RFX1: variants seen among roughly 807,000 people sequenced by gnomAD.
RFX1 encodes the protein regulatory factor X1, also known as MHC class II regulatory factor RFX1.
A neutral mutation model predicts 119.6 loss-of-function variants in RFX1; 42 were observed. The observed-to-expected ratio is 0.35, with a 90% confidence interval of 0.27 to 0.45. The LOEUF (loss-of-function observed/expected upper bound fraction) is 0.45. Ranked by LOEUF, RFX1 falls within the 20% of genes least tolerant of loss-of-function variation. The pLI is 1.00. For synonymous variants in RFX1, 628 were observed against 618.5 expected, an observed-to-expected ratio of 1.02 and a Z score of -0.23; for missense variants, 1,118 against 1,368.1, an observed-to-expected ratio of 0.82 and a Z score of 2.88.
chr19:13,989,603 G>A (rs1974735891), intron 2 of RFX1, among the ~76,000 whole-genome samples: 1 of 152,146 alleles, frequency 6.6e-6, no homozygotes, highest in South Asian at 2.1e-4. Flanking sequence ...GTGTGTGTCT[G>A]TGTGTGTAGC....
intron 1 of RFX1, among the ~76,000 whole-genome samples, chr19:13,995,434 T>C (rs559545346): frequency 1.3e-5 from 2 of 152,226 alleles, no homozygotes; most frequent in East Asian, 3.9e-4. Context: ...GGAGCAGTTA[T>C]GGGTCTTGAC....
At chr19:13,963,427 G>A (rs1973783217) in intron 18 of RFX1, 111 bp downstream of exon 18, 6 of 1,422,998 alleles carry the variant, frequency 4.2e-6, no homozygotes, top group South Asian at 1.3e-5. Context: ...CAGGGCCCCA[G>A]CCTGCCCGCC....
chr19:14,004,236 G>A (rs1346917557), intron 1 of RFX1, among the ~76,000 whole-genome samples: 4 of 152,116 alleles, frequency 2.6e-5, no homozygotes, highest in Non-Finnish European at 2.9e-5. Context: ...CTAGCCGGGC[G>A]CGGTGGCTCA....
chr19:14,001,066 A>G (rs1975201108), intron 1 of RFX1, among the ~76,000 whole-genome samples: 1 of 152,044 alleles, frequency 6.6e-6, no homozygotes, highest in Admixed American at 6.6e-5. Flanking sequence ...CAAAAAAAAC[A>G]AAAAACAAAA....
chr19:13,989,814 G>A (rs982403526), intron 2 of RFX1, among the ~76,000 whole-genome samples: 4 of 152,078 alleles, frequency 2.6e-5, no homozygotes, highest in Non-Finnish European at 5.9e-5. Context: ...GGGTCAGACT[G>A]TGAGGGCGGA....
rs1419067331 is a variant in RFX1 at position 13,968,429 on chromosome 19, C to T, written c.1732+136G>A. 6 of 695,566 alleles carry T rather than the reference C, an allele frequency of 8.6e-6. No homozygotes were observed. Among genetic ancestry groups the T allele is most frequent in the Non-Finnish European group, 1.3e-5 (5 of 385,530 alleles). The allele number at this position is 695,566 out of a possible 1,614,324, so 43.1% of individuals were successfully genotyped here. A position where few individuals can be genotyped will look rare whatever the true frequency, so the allele number is the denominator to read the frequency against. On this transcript the variant is annotated intron_variant, in intron 12 of 20. Transcript: ENST00000254325. The surrounding 1 kb of genome is among the most constrained non-coding windows in gnomAD (Gnocchi z 5.5). ...GACGGAGACTGTGATGTCTCCCCCA[C>T]CCCCTGCTGGTTCTCGGGCATCTCT...
At position 13,962,643 on chromosome 19, in the gene RFX1, G is replaced by A. The variant is rs1037049674; in HGVS notation, c.*52C>T. On this transcript the variant is annotated 3_prime_UTR_variant, in exon 21 of 21. Transcript: ENST00000254325. ...CCACGAAGCCACAGAAGCTTTGAGG[G>A]ACCCTGGCGTGGAGGGGTGGCGGGG... is the stretch of plus-strand genomic sequence containing the variant. The A allele has an allele frequency of 1.2e-5, 16 of 1,320,864 alleles. No homozygotes were observed. In the East Asian group the frequency reaches 4.8e-4, roughly 40 times the overall value. The allele number at this position is 1,320,864 out of a possible 1,614,324, so 81.8% of individuals were successfully genotyped here.
rs759562858 is a variant in RFX1, at chr19:13,993,543, T to G, written c.301A>C (p.Ile101Leu). The G allele has an allele frequency of 1.2e-6, 2 of 1,612,768 alleles. No homozygotes were observed. Among genetic ancestry groups the G allele is most frequent in the Non-Finnish European group, 1.7e-6 (2 of 1,179,488 alleles). The stretch of plus-strand genomic sequence containing the variant: ...CACTTACCAGAGACAGTGACCACGA[T>G]GTACTGCTGGGGTGCAGGCGAAGGG... ...PTPSPAPQQYIVVTVSEGAMR... is the reference protein window; with the variant it reads ...PTPSPAPQQYLVVTVSEGAMR... The change falls in exon 2 of 21, where the codon ATC (isoleucine) becomes CTC (leucine). Residue 101 changes from isoleucine to leucine, a missense_variant. Physicochemically the swap from Ile to Leu is conservative, Grantham distance 5. Transcript: ENST00000254325.
intron 2 of RFX1, among the ~76,000 whole-genome samples, chr19:13,987,460 C>A (rs1974640676): frequency 6.6e-6 from 1 of 152,174 alleles, no homozygotes; most frequent in African/African-American, 2.4e-5. Flanking sequence ...TGCCACCTCC[C>A]TGGGTCCCTG....
intron 1 of RFX1, among the ~76,000 whole-genome samples, chr19:13,999,848 G>A (rs1975155301): frequency 6.6e-6 from 1 of 152,054 alleles, no homozygotes; most frequent in South Asian, 2.1e-4. Context: ...GCTAGCTTTT[G>A]TATTTTTAGT....
chr19:13,981,819 G>T (rs1400377915), intron 5 of RFX1, among the ~76,000 whole-genome samples: 4 of 152,194 alleles, frequency 2.6e-5, no homozygotes, highest in African/African-American at 9.7e-5. Context: ...TTTGTTTCTC[G>T]GAATGCAGTT....
intron 1 of RFX1, among the ~76,000 whole-genome samples, chr19:13,996,145 T>C (rs569101335): frequency 5.6e-4 from 86 of 152,292 alleles, no homozygotes; most frequent in South Asian, 2.3e-3. Flanking sequence ...AGCCCCACTG[T>C]AGCAGGGGAT....
intron 2 of RFX1, 138 bp from the exon 3 acceptor site, chr19:13,983,733 CT>C (rs1025186299): frequency 2.9e-5 from 20 of 693,296 alleles, no homozygotes; most frequent in Non-Finnish European, 4.6e-5. Flanking sequence ...CTGCTTCCCC[CT>C]GGCCAGCCCT....
At chr19:13,977,898 G>T in intron 8 of RFX1, 94 bp downstream of exon 8, 2 of 976,080 alleles carry the variant, frequency 2.0e-6, no homozygotes, top group Non-Finnish European at 3.1e-6. Flanking sequence ...CGGATGGCCT[G>T]CTGGGGGCTG....
chr19:13,967,426 C>T (rs1973938828), intron 12 of RFX1, among the ~76,000 whole-genome samples: 1 of 151,974 alleles, frequency 6.6e-6, no homozygotes, highest in Non-Finnish European at 1.5e-5. Flanking sequence ...TTCCTCCCAC[C>T]TCGGCCTCCC....
At chr19:13,989,943 G>A (rs1352669069) in intron 2 of RFX1, among the ~76,000 whole-genome samples, 6 of 152,134 alleles carry the variant, frequency 3.9e-5, no homozygotes, top group East Asian at 1.9e-4. Context: ...AAGACTGACC[G>A]TGGGCCTGGG....
In RFX1 at chr19:13,962,653, T is replaced by TGGG; in HGVS notation, c.*41_*42insCCC. 1 of 703,712 alleles carries TGGG rather than the reference T, an allele frequency of 1.4e-6. No individual in the cohort carries two copies. The highest frequency in any genetic ancestry group is 1.6e-6 in the Non-Finnish European group (1 of 615,600). 43.6% of individuals were successfully genotyped at this position (703,712 alleles called of 1,614,324 possible). A position where few individuals can be genotyped will look rare whatever the true frequency, so the allele number is the denominator to read the frequency against. ...ACAGAAGCTTTGAGGGACCCTGGCG[T>TGGG]GGAGGGGTGGCGGGGGCGGGTGGGG... is the stretch of plus-strand genomic sequence containing the variant. On this transcript the variant is annotated 3_prime_UTR_variant, in exon 21 of 21. Coordinates refer to ENST00000254325, the MANE Select transcript of RFX1 (RefSeq NM_002918.5).
chr19:13,966,913 G>C lies in RFX1; in HGVS notation c.1733-162C>G, dbSNP rs1973921756. Among the ~76,000 whole-genome samples the C allele has an allele frequency of 6.6e-6, 1 of 152,194 alleles. No homozygotes were observed. The highest frequency in any genetic ancestry group is 2.4e-5 in the African/African-American group (1 of 41,456). On this transcript the variant is annotated intron_variant, in intron 12 of 20. Transcript: ENST00000254325. The surrounding 1 kb of genome is among the most constrained non-coding windows in gnomAD (Gnocchi z 6.3). ...TGGCCCGGGCCCAGGACGGGCCCAG[G>C]AGTGAGGGCCCACACTCCTCTGGCA...
chr19:13,979,993 G>C (rs566891227), intron 6 of RFX1, among the ~76,000 whole-genome samples: 3 of 152,224 alleles, frequency 2.0e-5, no homozygotes, highest in South Asian at 2.1e-4. Flanking sequence ...TGGAGGTTCG[G>C]GGGGGCTCTA....
Sources: allele counts gnomAD v4.1 joint callset (sites outside exome capture counted in the v4.1 genomes callset), GRCh38; gene constraint gnomAD v4.1.1; non-coding constraint Gnocchi (gnomAD v3.1); transcripts MANE v1.5; gene names NCBI Gene and HGNC (gene_info 2026-07-23, HGNC 2026-07-21).